CADM2: variants seen among roughly 807,000 people sequenced by gnomAD.
The protein encoded by CADM2 is immunoglobulin superfamily member 4D.
In CADM2, 12 loss-of-function variants were observed where a neutral mutation model predicts 49.8. The observed-to-expected ratio is 0.24, with a 90% CI of 0.15 to 0.39. The LOEUF (loss-of-function observed/expected upper bound fraction) is 0.39. CADM2 is among the 10% of genes least tolerant of loss of function. CADM2 has a pLI of 1.00. For missense variants in CADM2, 378 were observed against 492.3 expected (o/e 0.77, Z 2.20); for synonymous variants, 214 against 175.4 (o/e 1.22, Z -1.74).
intron 1 of CADM2, among the ~76,000 whole-genome samples, chr3:85,302,703 T>C (rs2044129781): frequency 6.6e-6 from 1 of 152,008 alleles, no homozygotes; most frequent in African/African-American, 2.4e-5. Context: ...TTCCTTAACA[T>C]CACTGCATTA....
intron 1 of CADM2, among the ~76,000 whole-genome samples, chr3:85,380,756 A>G (rs139324163): frequency 6.6e-6 from 1 of 151,954 alleles, no homozygotes; most frequent in African/African-American, 2.4e-5. Flanking sequence ...TCCATTTCCT[A>G]TTTTCTTTTG....
At chr3:84,991,225 T>C (rs1288143087) in intron 1 of CADM2, among the ~76,000 whole-genome samples, 3 of 152,100 alleles carry the variant, frequency 2.0e-5, no homozygotes, top group African/African-American at 7.2e-5. Flanking sequence ...GTTATAAACC[T>C]AGGGGACTCT....
At chr3:85,919,016 CTT>C (rs1393726868) in intron 6 of CADM2, among the ~76,000 whole-genome samples, 6 of 151,962 alleles carry the variant, frequency 3.9e-5, no homozygotes, top group East Asian at 1.9e-4. Context: ...TAAAAATAAA[CTT>C]AATGAAAATG....
chr3:85,329,814 A>G (rs1479826860), intron 1 of CADM2, among the ~76,000 whole-genome samples: 7 of 151,956 alleles, frequency 4.6e-5, no homozygotes, highest in Non-Finnish European at 8.8e-5. Context: ...TCTCATGACT[A>G]TTTTTTTGAG....
Position 85,114,772 on chromosome 3 carries a change from G to T in CADM2, c.61+155104G>T, listed in dbSNP as rs929384323. On this transcript the variant is annotated intron_variant, in intron 1 of 9. Transcript: ENST00000383699. Reference sequence around the variant, plus strand: ...TTAGTTTCATGATATGTGAAATCAGGATAATAATTTCTGTGCCAGTTAATA... The same window carrying T: ...TTAGTTTCATGATATGTGAAATCAGTATAATAATTTCTGTGCCAGTTAATA... Among the ~76,000 whole-genome samples, 4 of 152,238 alleles carry T rather than the reference G, an allele frequency of 2.6e-5. No homozygotes were observed. The East Asian group carries it at 7.7e-4, about 29-fold the overall frequency.
intron 1 of CADM2, among the ~76,000 whole-genome samples, chr3:85,713,729 T>C (rs539058299): frequency 6.6e-6 from 1 of 152,352 alleles, no homozygotes; most frequent in East Asian, 1.9e-4. Context: ...AATTTAAATA[T>C]GACATTTCTA....
intron 1 of CADM2, among the ~76,000 whole-genome samples, chr3:85,421,454 T>A (rs1163341674): frequency 6.6e-6 from 1 of 152,186 alleles, no homozygotes; most frequent in Non-Finnish European, 1.5e-5. Context: ...TGCAGAAGAA[T>A]CAGTTTTCAA....
At chr3:85,109,744 A>G (rs1330948145) in intron 1 of CADM2, among the ~76,000 whole-genome samples, 1 of 152,030 alleles carries the variant, frequency 6.6e-6, no homozygotes, top group Non-Finnish European at 1.5e-5. Flanking sequence ...TTAAATATGT[A>G]AAATTTATAG....
intron 8 of CADM2, among the ~76,000 whole-genome samples, chr3:86,048,882 G>A (rs1736991722): frequency 6.6e-6 from 1 of 151,874 alleles, no homozygotes; most frequent in African/African-American, 2.4e-5. Flanking sequence ...ATCAACAAAG[G>A]CAACATTTTA....
intron 1 of CADM2, among the ~76,000 whole-genome samples, chr3:85,638,478 G>GCAAACAA (rs2064588785): frequency 1.3e-5 from 2 of 151,954 alleles, no homozygotes; most frequent in Admixed American, 6.6e-5. Flanking sequence ...TAGAACAAGA[G>GCAAACAA]GTGTTTGCTT....
intron 6 of CADM2, among the ~76,000 whole-genome samples, chr3:85,920,282 AAG>A (rs1718931842): frequency 6.6e-6 from 1 of 151,886 alleles, no homozygotes; most frequent in Non-Finnish European, 1.5e-5. Context: ...TATATAGCAT[AAG>A]GGCACAGAAT....
intron 1 of CADM2, among the ~76,000 whole-genome samples, chr3:85,087,568 C>T (rs560560076): frequency 1.3e-4 from 20 of 152,144 alleles, no homozygotes; most frequent in African/African-American, 4.6e-4. Flanking sequence ...ACAAAGAAGG[C>T]TTTTAAGAAA....
At chr3:85,487,241 A>T (rs1458685951) in intron 1 of CADM2, among the ~76,000 whole-genome samples, 1 of 152,214 alleles carries the variant, frequency 6.6e-6, no homozygotes, top group Non-Finnish European at 1.5e-5. Flanking sequence ...ACGGCTGGGC[A>T]CAGTGGCTCA....
chr3:85,604,265 G>A (rs2063491962), intron 1 of CADM2, among the ~76,000 whole-genome samples: 1 of 151,826 alleles, frequency 6.6e-6, no homozygotes, highest in Non-Finnish European at 1.5e-5. Flanking sequence ...GAGGGACTTT[G>A]CTCAGAGAGA....
At chr3:85,379,241 A>G (rs2033763003) in intron 1 of CADM2, among the ~76,000 whole-genome samples, 1 of 151,992 alleles carries the variant, frequency 6.6e-6, no homozygotes, top group Admixed American at 6.6e-5. Context: ...ATGACAGCTA[A>G]AAATTATACT....
intron 1 of CADM2, among the ~76,000 whole-genome samples, chr3:85,125,663 T>G (rs947459583): frequency 2.0e-5 from 3 of 152,190 alleles, no homozygotes; most frequent in African/African-American, 7.2e-5. Context: ...ATGCCCAGCC[T>G]ACTCTTGGGG....
chr3:85,910,019 A>G (rs1717361911), intron 5 of CADM2, among the ~76,000 whole-genome samples: 1 of 152,130 alleles, frequency 6.6e-6, no homozygotes, highest in African/African-American at 2.4e-5. Flanking sequence ...AAAATCAACA[A>G]ATTACACTTT....
intron 1 of CADM2, among the ~76,000 whole-genome samples, chr3:85,305,071 A>G (rs1435500983): frequency 1.3e-5 from 2 of 151,592 alleles, no homozygotes; most frequent in Admixed American, 1.3e-4. Context: ...CAAACACCCT[A>G]TTCTCTATTT....
chr3:85,470,879 G>A (rs889692940), intron 1 of CADM2, among the ~76,000 whole-genome samples: 1 of 152,004 alleles, frequency 6.6e-6, no homozygotes, highest in East Asian at 1.9e-4. Flanking sequence ...AAAGTTTAGT[G>A]TTTAAAATAT....
Sources: gnomAD v4.1 joint callset for allele counts (sites outside exome capture counted in the v4.1 genomes callset) on GRCh38, gnomAD v4.1.1 for gene constraint, MANE v1.5 for transcripts, NCBI Gene and HGNC (gene_info 2026-07-23, HGNC 2026-07-21) for gene names.